Variants in LRRFIP1 observed in about 807,000 individuals in gnomAD.
LRRFIP1 encodes the protein leucine-rich repeat flightless-interacting protein 1.
Under a neutral mutation model 104.4 loss-of-function variants are expected in LRRFIP1, and 62 were observed. That is an observed-to-expected ratio of 0.59 (90% confidence interval 0.48 to 0.73). LRRFIP1 has a LOEUF of 0.73. Ranked by LOEUF, LRRFIP1 falls within the 30% of genes least tolerant of loss-of-function variation. The probability of loss-of-function intolerance (pLI) is 0.00; values close to 1 mark genes in which losing one functional copy is unlikely to be tolerated. For synonymous variants in LRRFIP1, 300 were observed against 299.0 expected (o/e 1.00, Z -0.03); for missense variants, 796 against 824.5 (o/e 0.97, Z 0.42).
intron 13 of LRRFIP1, 64 bp downstream of exon 13, chr2:237,749,388 A>T (rs1199707139): frequency 1.4e-4 from 54 of 373,598 alleles, no homozygotes; most frequent in East Asian, 1.0e-3. Context: ...TCTTTAGATT[A>T]AAAAAAAAAA....
intron 18 of LRRFIP1, 109 bp downstream of exon 18, chr2:237,758,930 C>T (rs1014020273): frequency 1.4e-4 from 90 of 659,742 alleles, no homozygotes; most frequent in Non-Finnish European, 2.1e-4. Flanking sequence ...CATTTTATGT[C>T]ATTTAGTTCT....
chr2:237,764,724 G>C (rs1450157935), intron 19 of LRRFIP1: 37 of 986,498 alleles, frequency 3.8e-5, no homozygotes, highest in Non-Finnish European at 4.2e-5. Flanking sequence ...AGGATAACAA[G>C]TAAATGTCTG....
intron 1 of LRRFIP1, among the ~76,000 whole-genome samples, chr2:237,645,941 G>C (rs556709931): frequency 6.6e-6 from 1 of 152,054 alleles, no homozygotes; most frequent in Admixed American, 6.5e-5. Flanking sequence ...GCTCTGGCCT[G>C]CTTCTCCACT....
chr2:237,729,089 A>T (rs1464858030), intron 8 of LRRFIP1, among the ~76,000 whole-genome samples: 1 of 151,888 alleles, frequency 6.6e-6, no homozygotes, highest in Non-Finnish European at 1.5e-5. Flanking sequence ...CACCTGGCTA[A>T]TTTTTTTTGT....
intron 19 of LRRFIP1, among the ~76,000 whole-genome samples, chr2:237,767,893 A>G (rs570711076): frequency 6.6e-6 from 1 of 152,220 alleles, no homozygotes; most frequent in Non-Finnish European, 1.5e-5. Flanking sequence ...TGCATGTATT[A>G]TGTTCAGAAT....
chr2:237,744,730 G>A (rs1336613034), intron 11 of LRRFIP1, among the ~76,000 whole-genome samples: 1 of 152,252 alleles, frequency 6.6e-6, no homozygotes, highest in African/African-American at 2.4e-5. Flanking sequence ...AAACCTGTTA[G>A]TGTGACGTTT....
At chr2:237,774,330 T>C (rs954664287) in intron 22 of LRRFIP1, 28 bp from the exon 23 acceptor site, 3 of 1,356,678 alleles carry the variant, frequency 2.2e-6, no homozygotes, top group African/African-American at 2.9e-5. Flanking sequence ...TATCAATTTA[T>C]ACATATGGTT....
chr2:237,759,905 C>T (rs140421912), intron 18 of LRRFIP1, among the ~76,000 whole-genome samples, 159 bp from the exon 19 acceptor site: 5 of 151,930 alleles, frequency 3.3e-5, no homozygotes, highest in East Asian at 1.9e-4. Flanking sequence ...GTGTGTTGAC[C>T]GAATATTTAC....
In LRRFIP1 at chr2:237,781,116, G is replaced by C. The variant is rs955559760; in HGVS notation, c.*1584G>C. Among the ~76,000 whole-genome samples the C allele has an allele frequency of 2.0e-5, 3 of 152,108 alleles. No homozygotes were observed. The highest frequency in any genetic ancestry group is 2.9e-5 in the Non-Finnish European group (2 of 68,044). On this transcript the variant is annotated 3_prime_UTR_variant, in exon 24 of 24. Transcript: ENST00000308482. ...ATGCTGGGCCCACCGGCAAAAGGGA[G>C]ATATTCAGTTCCTTGTCTCATCCTT...
At chr2:237,709,989 A>T (rs1317405223) in intron 2 of LRRFIP1, among the ~76,000 whole-genome samples, 10 of 151,564 alleles carry the variant, frequency 6.6e-5, no homozygotes, top group African/African-American at 2.4e-4. Context: ...AGTAGCTGGG[A>T]TTATAGGTGC....
intron 1 of LRRFIP1, among the ~76,000 whole-genome samples, chr2:237,647,101 C>T (rs753262021): frequency 1.6e-4 from 24 of 151,988 alleles, no homozygotes; most frequent in Non-Finnish European, 3.1e-4. Context: ...CCTCATTTGA[C>T]GTTTTTCACT....
chr2:237,678,790 G>A (rs2091472206), intron 1 of LRRFIP1, among the ~76,000 whole-genome samples: 2 of 152,130 alleles, frequency 1.3e-5, no homozygotes, highest in Admixed American at 6.6e-5. Flanking sequence ...TTACAGGTGT[G>A]AGCCACAGCA....
chr2:237,728,529 G>A (rs185628207), intron 8 of LRRFIP1, among the ~76,000 whole-genome samples: 2,282 of 150,114 alleles, frequency 0.015, 59 homozygotes, highest in African/African-American at 0.054. Flanking sequence ...TAGGGAGACC[G>A]GGCGGGGGTG....
chr2:237,764,007 A>G (rs1211601295), intron 19 of LRRFIP1: 5 of 1,614,224 alleles, frequency 3.1e-6, no homozygotes, highest in Middle Eastern at 3.3e-4. Flanking sequence ...AAAGCTTTAG[A>G]CAGCAATAGC....
chr2:237,710,084 C>T (rs373457186), intron 2 of LRRFIP1, among the ~76,000 whole-genome samples: 1 of 151,928 alleles, frequency 6.6e-6, no homozygotes, highest in East Asian at 1.9e-4. Context: ...AACTCCTGAT[C>T]TCAAGTGATC....
intron 1 of LRRFIP1, among the ~76,000 whole-genome samples, chr2:237,669,862 G>A (rs887740033): frequency 5.3e-5 from 8 of 152,158 alleles, no homozygotes; most frequent in Non-Finnish European, 2.9e-5. Flanking sequence ...CTCCATTTCC[G>A]CCCAAATGTG....
intron 9 of LRRFIP1, 122 bp downstream of exon 9, chr2:237,733,940 G>T (rs534131273): frequency 9.7e-6 from 10 of 1,027,938 alleles, no homozygotes; most frequent in Non-Finnish European, 1.3e-5. Context: ...GCACCTTCAC[G>T]TGGAGCTTAC....
chr2:237,641,800 C>A (rs1016878020), intron 1 of LRRFIP1, among the ~76,000 whole-genome samples: 1 of 152,072 alleles, frequency 6.6e-6, no homozygotes, highest in African/African-American at 2.4e-5. Context: ...ATAACATGCA[C>A]AATATATTGT....
Position 237,711,755 on chromosome 2 carries a change from G to A in LRRFIP1, c.184-2504G>A, listed in dbSNP as rs2094103007. ...GCAGAGAAATGAACGTGGCCAAGAT[G>A]GTGAGTGAGGACACCGAGTGAAGCA... On this transcript the variant is annotated intron_variant, in intron 2 of 23. Transcript: ENST00000308482. The surrounding 1 kb of genome is among the most constrained non-coding windows in gnomAD (Gnocchi z 4.4). 6.6e-6 allele frequency among the ~76,000 whole-genome samples: 1 copy of A among 152,182 alleles called. No homozygotes were observed. Among genetic ancestry groups the A allele is most frequent in the African/African-American group, 2.4e-5 (1 of 41,440 alleles).
Sources: gnomAD v4.1 joint callset for allele counts (sites outside exome capture counted in the v4.1 genomes callset) on GRCh38, gnomAD v4.1.1 for gene constraint, Gnocchi (gnomAD v3.1) non-coding constraint, MANE v1.5 for transcripts, NCBI Gene and HGNC (gene_info 2026-07-23, HGNC 2026-07-21) for gene names.